AAK1: variants seen among roughly 807,000 people sequenced by gnomAD.
The protein encoded by AAK1 is AP2 associated kinase 1.
A neutral mutation model predicts 116.0 loss-of-function variants in AAK1; 37 were observed. That is an observed-to-expected ratio of 0.32 (90% CI 0.25 to 0.42). The LOEUF is 0.42. Among genes scored for constraint, AAK1 ranks in the 10% least tolerant of loss-of-function variants. The pLI is 1.00. For synonymous variants in AAK1, 458 were observed against 439.9 expected (o/e 1.04, Z -0.51); for missense variants, 919 against 1,170.6 (o/e 0.79, Z 3.14).
intron 20 of AAK1, among the ~76,000 whole-genome samples, chr2:69,477,558 C>A (rs1484682451): frequency 2.0e-5 from 3 of 150,626 alleles, no homozygotes. Context: ...GCACTGAGGC[C>A]TCAAGTAGAA....
intron 2 of AAK1, among the ~76,000 whole-genome samples, chr2:69,630,907 C>T (rs376574158): frequency 3.9e-5 from 6 of 152,226 alleles, no homozygotes; most frequent in African/African-American, 1.4e-4. Flanking sequence ...GTGCTGCCCC[C>T]TTCCCCTCCA....
At chr2:69,560,152 G>C (rs1296855990) in intron 2 of AAK1, among the ~76,000 whole-genome samples, 1 of 152,160 alleles carries the variant, frequency 6.6e-6, no homozygotes, top group Non-Finnish European at 1.5e-5. Flanking sequence ...CAAAATCCAC[G>C]CCTAACAGGA....
At chr2:69,589,650 AG>A (rs1195402648) in intron 2 of AAK1, among the ~76,000 whole-genome samples, 1 of 149,350 alleles carries the variant, frequency 6.7e-6, no homozygotes, top group Admixed American at 6.7e-5. Flanking sequence ...CGGAGGTTGC[AG>A]TGAGCCGAGA....
In AAK1 at chr2:69,479,023, G is replaced by A. The variant is rs1382195342; in HGVS notation, c.2608C>T (p.Leu870=). ...AGGTCAGTAGTAGGGTTAGAGAGCA[G>A]AGAGCAATCAAGCAGGGAATCTTCC... The part of the protein sequence containing the change: ...TGEDSLLDCS[L]LSNPTTDLLE... The change falls in exon 20 of 22, where the codon CTG becomes TTG. Residue 870 remains leucine (L), a synonymous_variant. Transcript: ENST00000409085. 1 of 1,613,920 alleles carries A rather than the reference G, an allele frequency of 6.2e-7. No homozygotes were observed. The highest frequency in any genetic ancestry group is 8.5e-7 in the Non-Finnish European group (1 of 1,179,830).
chr2:69,546,381 T>C (rs1186166234), intron 3 of AAK1, among the ~76,000 whole-genome samples: 1 of 152,194 alleles, frequency 6.6e-6, no homozygotes, highest in Non-Finnish European at 1.5e-5. Flanking sequence ...GGACTCACAT[T>C]TTAGTGGCCT....
At chr2:69,623,034 T>C (rs1157718198) in intron 2 of AAK1, among the ~76,000 whole-genome samples, 1 of 152,128 alleles carries the variant, frequency 6.6e-6, no homozygotes, top group East Asian at 1.9e-4. Flanking sequence ...TCAGGTCCCC[T>C]TCCACACCGT....
intron 3 of AAK1, among the ~76,000 whole-genome samples, chr2:69,550,572 C>T (rs1342187414): frequency 6.6e-6 from 1 of 151,788 alleles, no homozygotes; most frequent in South Asian, 2.1e-4. Flanking sequence ...GGAGTATAGA[C>T]GTGAGCCACT....
chr2:69,465,296 C>A lies in AAK1; in HGVS notation c.*10573G>T. ...ACTGAGTTTGTTGACTCAAGAAATTCTGCTCTGACGCAGGGAATTGAAATA... is the reference window on the plus strand; with the variant it reads ...ACTGAGTTTGTTGACTCAAGAAATTATGCTCTGACGCAGGGAATTGAAATA... On this transcript the variant is annotated 3_prime_UTR_variant, in exon 22 of 22. Transcript: ENST00000409085. The A allele has an allele frequency of 1.2e-6, 1 of 857,392 alleles. No individual in the cohort carries two copies. The allele number at this position is 857,392 out of a possible 1,614,324, so 53.1% of individuals were successfully genotyped here. A position where few individuals can be genotyped will look rare whatever the true frequency, so the allele number is the denominator to read the frequency against.
intron 2 of AAK1, among the ~76,000 whole-genome samples, chr2:69,634,946 T>C (rs1675382810): frequency 6.6e-6 from 1 of 152,192 alleles, no homozygotes; most frequent in Non-Finnish European, 1.5e-5. Flanking sequence ...GACAATGCAC[T>C]GGGGTAGACA....
chr2:69,527,433 T>C (rs17570697), intron 8 of AAK1, 114 bp from the exon 9 acceptor site: 40,583 of 716,260 alleles, frequency 0.057, 1,246 homozygotes, highest in Non-Finnish European at 0.065. Flanking sequence ...TTATTTTTCA[T>C]AGAAGTCAGA....
intron 2 of AAK1, among the ~76,000 whole-genome samples, chr2:69,592,186 T>G (rs1435696277): frequency 6.6e-6 from 1 of 152,214 alleles, no homozygotes; most frequent in Non-Finnish European, 1.5e-5. Context: ...ACCTGAGTAT[T>G]CCACTCAGCC....
chr2:69,593,955 C>A (rs1673149935), intron 2 of AAK1, among the ~76,000 whole-genome samples: 1 of 152,236 alleles, frequency 6.6e-6, no homozygotes, highest in African/African-American at 2.4e-5. Context: ...TTGTTCTCTA[C>A]TGTCAGGTTG....
chr2:69,559,038 T>G (rs1004424700), intron 2 of AAK1, among the ~76,000 whole-genome samples: 2 of 151,688 alleles, frequency 1.3e-5, no homozygotes, highest in Admixed American at 1.3e-4. Context: ...AAAAAGAAAT[T>G]TAATGGGCTT....
In AAK1 at chr2:69,633,563, T is replaced by C. The variant is rs1675307979; in HGVS notation, c.163+9315A>G. 4.0e-5 allele frequency among the ~76,000 whole-genome samples: 6 copies of C among 148,864 alleles called. 1 individual carries two copies. The South Asian group carries it at 1.3e-3, about 32-fold the overall frequency. ...TTGCAGTGAGCCAAGATCGCACCACTGTACTCCAGCCTGGCGACAGAATGA... is the reference window on the plus strand; with the variant it reads ...TTGCAGTGAGCCAAGATCGCACCACCGTACTCCAGCCTGGCGACAGAATGA... On this transcript the variant is annotated intron_variant, in intron 2 of 21. Transcript: ENST00000409085.
Position 69,570,505 on chromosome 2 carries a change from C to T in AAK1, c.164-13527G>A, listed in dbSNP as rs75673165. ...CAAAGAGGGAACCACTCTTTTCTGC[C>T]GTAGAAATGATACTTGTTATTCCTA... On this transcript the variant is annotated intron_variant, in intron 2 of 21. Transcript: ENST00000409085. Among the ~76,000 whole-genome samples, 6 of 151,942 alleles carry T rather than the reference C, an allele frequency of 3.9e-5. No individual in the cohort carries two copies. The East Asian group carries it at 7.8e-4, about 20-fold the overall frequency.
intron 18 of AAK1, chr2:69,481,449 T>C (rs1049515315): frequency 6.5e-6 from 1 of 153,040 alleles, no homozygotes; most frequent in Non-Finnish European, 1.5e-5. Context: ...GGGGCAAACA[T>C]CCTCTGTGCC....
chr2:69,608,352 T>C (rs1378729125), intron 2 of AAK1, among the ~76,000 whole-genome samples: 1 of 152,190 alleles, frequency 6.6e-6, no homozygotes, highest in Non-Finnish European at 1.5e-5. Context: ...CAGTGTAAAT[T>C]CAGTCAACCT....
chr2:69,537,154 T>C (rs756665013), intron 5 of AAK1, among the ~76,000 whole-genome samples: 1 of 152,200 alleles, frequency 6.6e-6, no homozygotes, highest in Non-Finnish European at 1.5e-5. Context: ...CTGGCTTAGG[T>C]GACCTTCCCA....
chr2:69,574,377 C>CAAAAAAAAAAA (rs58486434), intron 2 of AAK1, among the ~76,000 whole-genome samples: 1 of 74,896 alleles, frequency 1.3e-5, no homozygotes, highest in Admixed American at 1.5e-4. Flanking sequence ...GACTCCCTCT[C>CAAAAAAAAAAA]AAAAAAAAAA....
Sources: allele counts gnomAD v4.1 joint callset (sites outside exome capture counted in the v4.1 genomes callset), GRCh38; gene constraint gnomAD v4.1.1; transcripts MANE v1.5; gene names NCBI Gene and HGNC (gene_info 2026-07-23, HGNC 2026-07-21).